Variants in STARD3NL observed in about 807,000 individuals in gnomAD.
STARD3NL encodes the protein STARD3 N-terminal-like protein.
Under a neutral mutation model 30.9 loss-of-function variants are expected in STARD3NL, and 17 were observed. The ratio of observed to expected loss-of-function variants is 0.55; its 90% CI spans 0.38 to 0.82. STARD3NL has a LOEUF of 0.82. Ranked by LOEUF, STARD3NL falls within the 40% of genes least tolerant of loss-of-function variation. The pLI, the probability that STARD3NL is intolerant of heterozygous loss-of-function variation, is 0.00. For synonymous variants in STARD3NL, 112 were observed against 100.5 expected, an observed-to-expected ratio of 1.11 and a Z score of -0.69; for missense variants, 234 against 277.6, an observed-to-expected ratio of 0.84 and a Z score of 1.12.
intron 3 of STARD3NL, among the ~76,000 whole-genome samples, chr7:38,214,690 AGAGCCTT>A (rs1187755582): frequency 5.9e-5 from 9 of 152,368 alleles, no homozygotes; most frequent in Non-Finnish European, 1.3e-4. Flanking sequence ...TTCTTGTTGG[AGAGCCTT>A]TATTCTTTCA....
intron 1 of STARD3NL, among the ~76,000 whole-genome samples, chr7:38,191,977 T>C (rs554720469): frequency 2.0e-5 from 3 of 152,156 alleles, no homozygotes; most frequent in Non-Finnish European, 4.4e-5. Flanking sequence ...TTGAGGAGAA[T>C]TGATATCTTA....
intron 8 of STARD3NL, among the ~76,000 whole-genome samples, chr7:38,229,295 A>C (rs1427615398): frequency 6.6e-6 from 1 of 152,242 alleles, no homozygotes; most frequent in Non-Finnish European, 1.5e-5. Context: ...TTGCACAGCT[A>C]GACGAGGCAG....
intron 7 of STARD3NL, among the ~76,000 whole-genome samples, chr7:38,226,218 A>AT (rs922160525): frequency 2.9e-5 from 3 of 102,524 alleles, no homozygotes; most frequent in African/African-American, 8.1e-5. Context: ...CTGGATTCTG[A>AT]TTTTTTTCCT....
intron 7 of STARD3NL, among the ~76,000 whole-genome samples, chr7:38,222,446 G>A (rs192111989): frequency 6.6e-6 from 1 of 152,296 alleles, no homozygotes; most frequent in East Asian, 1.9e-4. Context: ...ATTTCATTGA[G>A]ATGTTTTGTG....
At chr7:38,201,051 AGAG>A (rs565688744) in intron 1 of STARD3NL, among the ~76,000 whole-genome samples, 10,099 of 152,302 alleles carry the variant, frequency 0.066, 1,106 homozygotes, top group African/African-American at 0.23. Flanking sequence ...ATAACCTAAC[AGAG>A]ATTAACCTTG....
intron 1 of STARD3NL, among the ~76,000 whole-genome samples, chr7:38,191,581 T>A (rs1784688167): frequency 6.6e-6 from 1 of 152,246 alleles, no homozygotes; most frequent in Admixed American, 6.5e-5. Context: ...GAGTTAGGGT[T>A]TGAAGTTCTT....
At chr7:38,220,152 T>C (rs1048191777) in intron 7 of STARD3NL, among the ~76,000 whole-genome samples, 1 of 152,210 alleles carries the variant, frequency 6.6e-6, no homozygotes, top group African/African-American at 2.4e-5. Context: ...CCACTTCTTA[T>C]CAGCTCCAAC....
chr7:38,205,243 T>C (rs1183191902), intron 1 of STARD3NL, among the ~76,000 whole-genome samples: 1 of 152,150 alleles, frequency 6.6e-6, no homozygotes, highest in African/African-American at 2.4e-5. Flanking sequence ...CTCAATAAAA[T>C]ACTGGCAAAC....
intron 2 of STARD3NL, among the ~76,000 whole-genome samples, chr7:38,212,856 T>G (rs1785888115): frequency 6.6e-6 from 1 of 152,172 alleles, no homozygotes. Flanking sequence ...CAGAACTGAC[T>G]GGGAAGGGAT....
At chr7:38,197,191 TC>T (rs1784959063) in intron 1 of STARD3NL, among the ~76,000 whole-genome samples, 3 of 148,638 alleles carry the variant, frequency 2.0e-5, no homozygotes, top group African/African-American at 7.4e-5. Context: ...TTTCTTTCTT[TC>T]TTTTTCTCTC....
chr7:38,207,313 G>A (rs1307485942), intron 1 of STARD3NL, 134 bp from the exon 2 acceptor site: 3 of 577,706 alleles, frequency 5.2e-6, no homozygotes, highest in Non-Finnish European at 9.2e-6. Context: ...TTCTCTTTAT[G>A]TCTTCATGAA....
chr7:38,211,309 A>T (rs967450494), intron 2 of STARD3NL, among the ~76,000 whole-genome samples: 1 of 151,968 alleles, frequency 6.6e-6, no homozygotes, highest in African/African-American at 2.4e-5. Context: ...TGGACTGTGA[A>T]TTGGATTTGG....
intron 1 of STARD3NL, among the ~76,000 whole-genome samples, chr7:38,180,831 G>A (rs1784215974): frequency 6.6e-6 from 1 of 152,152 alleles, no homozygotes; most frequent in Admixed American, 6.5e-5. Flanking sequence ...GGCTGTGGAG[G>A]CCCAGAGAAG....
intron 2 of STARD3NL, among the ~76,000 whole-genome samples, chr7:38,211,943 C>A (rs1785827919): frequency 6.6e-6 from 1 of 152,176 alleles, no homozygotes. Flanking sequence ...TTCTTTTCCA[C>A]TGTTTCTCCT....
rs138663704 is a variant in STARD3NL, at chr7:38,226,611, T to TA, written c.650-2187dup. Reference sequence around the variant, plus strand: ...CTTTCCTGCTCTCTCTGCGTATGCTTAGAGCTCAGGCTAATTGGCTGGCTT... The same window carrying TA: ...CTTTCCTGCTCTCTCTGCGTATGCTTAAGAGCTCAGGCTAATTGGCTGGCTT... On this transcript the variant is annotated intron_variant, in intron 7 of 8. Coordinates refer to ENST00000009041, the MANE Select transcript of STARD3NL (RefSeq NM_032016.4). Among the ~76,000 whole-genome samples, 29 of 152,334 alleles carry TA rather than the reference T, an allele frequency of 1.9e-4. No individual in the cohort carries two copies. In the East Asian group the frequency reaches 5.6e-3, roughly 29 times the overall value.
At chr7:38,202,909 T>C (rs1364951698) in intron 1 of STARD3NL, among the ~76,000 whole-genome samples, 2 of 151,950 alleles carry the variant, frequency 1.3e-5, no homozygotes, top group African/African-American at 2.4e-5. Context: ...GAACTCATCA[T>C]TTTTTATGGC....
At chr7:38,225,784 G>T (rs541778584) in intron 7 of STARD3NL, among the ~76,000 whole-genome samples, 1 of 151,958 alleles carries the variant, frequency 6.6e-6, no homozygotes, top group Non-Finnish European at 1.5e-5. Context: ...AATTGCTTTA[G>T]TGATATCACA....
At chr7:38,195,360 T>C (rs1202319967) in intron 1 of STARD3NL, among the ~76,000 whole-genome samples, 1 of 152,206 alleles carries the variant, frequency 6.6e-6, no homozygotes, top group African/African-American at 2.4e-5. Flanking sequence ...CTGGCCACAC[T>C]TATCAGTTTT....
chr7:38,217,802 G>A (rs1274775504), intron 6 of STARD3NL, among the ~76,000 whole-genome samples: 3 of 152,160 alleles, frequency 2.0e-5, no homozygotes, highest in Non-Finnish European at 4.4e-5. Flanking sequence ...GCTTCAGATG[G>A]GCCTCTGTTA....
Sources: allele counts gnomAD v4.1 joint callset (sites outside exome capture counted in the v4.1 genomes callset), GRCh38; gene constraint gnomAD v4.1.1; transcripts MANE v1.5; gene names NCBI Gene and HGNC (gene_info 2026-07-23, HGNC 2026-07-21).